LRMDA: variants seen among roughly 807,000 people sequenced by gnomAD.
LRMDA encodes leucine rich melanocyte differentiation associated, also known as leucine-rich melanocyte differentiation-associated protein.
In LRMDA, 18 loss-of-function variants were observed where a neutral mutation model predicts 29.8. That is an observed-to-expected ratio of 0.60 (90% CI 0.42 to 0.90). LRMDA has a LOEUF of 0.90. Among genes scored for constraint, LRMDA ranks in the 40% least tolerant of loss-of-function variants. The probability of loss-of-function intolerance (pLI) is 0.00; values close to 1 mark genes in which losing one functional copy is unlikely to be tolerated. For missense variants in LRMDA, 273 were observed against 273.9 expected (o/e 1.00, Z 0.02); for synonymous variants, 125 against 109.4 (o/e 1.14, Z -0.89).
intron 2 of LRMDA, among the ~76,000 whole-genome samples, chr10:75,898,100 A>C (rs1845614057): frequency 6.6e-6 from 1 of 152,176 alleles, no homozygotes; most frequent in African/African-American, 2.4e-5. Flanking sequence ...CTGGGATTAC[A>C]GGCGTGAGCC....
intron 2 of LRMDA, among the ~76,000 whole-genome samples, chr10:75,956,205 G>T (rs1273083691): frequency 1.3e-5 from 2 of 152,188 alleles, no homozygotes; most frequent in Non-Finnish European, 2.9e-5. Flanking sequence ...GAAAATGGGA[G>T]TATTTCAAAG....
At chr10:75,476,745 C>G (rs1158267385) in intron 2 of LRMDA, among the ~76,000 whole-genome samples, 1 of 152,170 alleles carries the variant, frequency 6.6e-6, no homozygotes, top group Non-Finnish European at 1.5e-5. Flanking sequence ...TGCTGGACCC[C>G]TTGTATTAGT....
chr10:75,485,488 C>T (rs1236193999), intron 2 of LRMDA, among the ~76,000 whole-genome samples: 2 of 152,170 alleles, frequency 1.3e-5, no homozygotes, highest in African/African-American at 4.8e-5. Flanking sequence ...CCTCCACCTT[C>T]AGAGCTTAAG....
intron 5 of LRMDA, among the ~76,000 whole-genome samples, chr10:76,259,037 C>T (rs1275570883): frequency 4.6e-5 from 7 of 152,036 alleles, no homozygotes; most frequent in South Asian, 4.2e-4. Flanking sequence ...TAAGGAACCT[C>T]GATACTGTTC....
intron 2 of LRMDA, among the ~76,000 whole-genome samples, chr10:75,889,776 G>T (rs997603873): frequency 9.9e-5 from 15 of 152,194 alleles, no homozygotes; most frequent in Non-Finnish European, 2.1e-4. Flanking sequence ...CATGATGGGG[G>T]TGGAATGGCC....
chr10:75,568,614 G>GT (rs1840401008), intron 2 of LRMDA, among the ~76,000 whole-genome samples: 1 of 152,196 alleles, frequency 6.6e-6, no homozygotes. Flanking sequence ...CTTTGGGCAA[G>GT]TAAGAACCTG....
At chr10:76,289,410 G>A (rs1396893505) in intron 5 of LRMDA, among the ~76,000 whole-genome samples, 1 of 152,024 alleles carries the variant, frequency 6.6e-6, no homozygotes, top group Admixed American at 6.6e-5. Flanking sequence ...TATTTCCAAT[G>A]TTATTTTTTT....
intron 2 of LRMDA, among the ~76,000 whole-genome samples, chr10:75,577,150 T>C (rs1197617788): frequency 5.3e-5 from 8 of 152,146 alleles, no homozygotes; most frequent in African/African-American, 1.2e-4. Flanking sequence ...AGAAAAAGGT[T>C]AGACGAATTG....
chr10:75,751,308 AGAGAGGGAGAGGGAGAGGGAGACCGGG>A (rs1368411085), intron 2 of LRMDA, among the ~76,000 whole-genome samples: 4 of 148,828 alleles, frequency 2.7e-5, no homozygotes, highest in Non-Finnish European at 4.5e-5. Flanking sequence ...GACTGTGGAG[AGAGAGGGAGAGGGAGAGGGAGACCGGG>A]GAGAGGGAGA....
At chr10:76,544,047 C>G (rs1206466809) in intron 6 of LRMDA, among the ~76,000 whole-genome samples, 1 of 152,178 alleles carries the variant, frequency 6.6e-6, no homozygotes, top group Non-Finnish European at 1.5e-5. Context: ...CCTGAACTCA[C>G]CACTGGTGCT....
At chr10:75,704,414 A>G (rs889123867) in intron 2 of LRMDA, among the ~76,000 whole-genome samples, 1 of 152,210 alleles carries the variant, frequency 6.6e-6, no homozygotes, top group Admixed American at 6.5e-5. Context: ...ATCCATTTTA[A>G]GCCAGTGAAC....
At chr10:75,931,515 C>T (rs898120303) in intron 2 of LRMDA, among the ~76,000 whole-genome samples, 1 of 152,176 alleles carries the variant, frequency 6.6e-6, no homozygotes, top group Admixed American at 6.5e-5. Context: ...TAATAGACAT[C>T]TTGGTCCCTC....
intron 2 of LRMDA, among the ~76,000 whole-genome samples, chr10:75,465,755 T>A (rs1844642576): frequency 6.6e-6 from 1 of 152,212 alleles, no homozygotes; most frequent in Admixed American, 6.5e-5. Flanking sequence ...TGGCATATGG[T>A]AGCAGGCTCC....
chr10:75,650,832 C>A (rs1300406570), intron 2 of LRMDA, among the ~76,000 whole-genome samples: 1 of 152,106 alleles, frequency 6.6e-6, no homozygotes, highest in African/African-American at 2.4e-5. Context: ...AACTGGAGGT[C>A]AGCACCGGGG....
intron 2 of LRMDA, among the ~76,000 whole-genome samples, chr10:75,811,940 A>G (rs1018740490): frequency 6.6e-6 from 1 of 152,150 alleles, no homozygotes; most frequent in African/African-American, 2.4e-5. Context: ...GCCTTTTGAT[A>G]CAAGTATTTC....
intron 2 of LRMDA, among the ~76,000 whole-genome samples, chr10:75,988,075 A>G (rs1439753118): frequency 2.0e-5 from 3 of 152,238 alleles, no homozygotes; most frequent in Admixed American, 6.5e-5. Context: ...GTCACTTTCC[A>G]TTCTGAAGCA....
intron 5 of LRMDA, among the ~76,000 whole-genome samples, chr10:76,318,019 G>T (rs1266669356): frequency 1.3e-5 from 2 of 151,986 alleles, no homozygotes; most frequent in African/African-American, 4.8e-5. Context: ...TCTCTCCTTT[G>T]TACTTACAGT....
chr10:76,281,295 C>T (rs906919007), intron 5 of LRMDA, among the ~76,000 whole-genome samples: 1 of 152,174 alleles, frequency 6.6e-6, no homozygotes, highest in African/African-American at 2.4e-5. Context: ...AGTACAAAAG[C>T]CAAGGCACGT....
At chr10:76,175,636 C>T (rs1050116542) in intron 5 of LRMDA, among the ~76,000 whole-genome samples, 17 of 152,172 alleles carry the variant, frequency 1.1e-4, no homozygotes, top group African/African-American at 3.6e-4. Context: ...TTTGCTCAGC[C>T]TCCAGATTTT....
Sources: allele counts gnomAD v4.1 joint callset (sites outside exome capture counted in the v4.1 genomes callset), GRCh38; gene constraint gnomAD v4.1.1; transcripts MANE v1.5; gene names NCBI Gene and HGNC (gene_info 2026-07-23, HGNC 2026-07-21).